Variants in COL27A1 observed in about 807,000 individuals in gnomAD.
COL27A1 encodes collagen alpha-1(XXVII) chain.
A neutral mutation model predicts 251.3 loss-of-function variants in COL27A1; 106 were observed. The observed-to-expected ratio is 0.42, with a 90% CI of 0.36 to 0.50. The LOEUF is 0.50. Among genes scored for constraint, COL27A1 ranks in the 20% least tolerant of loss-of-function variants. The pLI is 0.00. For synonymous variants in COL27A1, 1,000 were observed against 986.3 expected (o/e 1.01, Z -0.26); for missense variants, 2,325 against 2,522.8 (o/e 0.92, Z 1.68).
chr9:114,275,545 C>T, intron 36 of COL27A1, 116 bp from the exon 37 acceptor site: 1 of 657,334 alleles, frequency 1.5e-6, no homozygotes, highest in Admixed American at 3.0e-5. Context: ...TATCGAGAAT[C>T]TAGGGACCAG....
chr9:114,282,538 G>A lies in COL27A1; in HGVS notation c.3853G>A (p.Gly1285Arg). ...PGPPGTPGPK[G>R]SRGSLGPTGA... ...ACCCCCTGGCACTCCAGGCCCTAAAGGGTCCCGGGGCAGCCTGGGACCAAC... is the reference window on the plus strand; with the variant it reads ...ACCCCCTGGCACTCCAGGCCCTAAAAGGTCCCGGGGCAGCCTGGGACCAAC... Residue 1285 changes from glycine to arginine, a missense_variant, in exon 39 of 61, where the codon GGG (glycine) becomes AGG (arginine). Physicochemically the swap from Gly to Arg is moderately radical, Grantham distance 125. Around this residue, in one of 4 missense-constraint regions of COL27A1, gnomAD observed 662 missense variants for 795.3 expected, o/e 0.83. Transcript: ENST00000356083. 1.9e-6 allele frequency: 3 copies of A among 1,541,860 alleles called. No homozygotes were observed. The highest frequency in any genetic ancestry group is 2.6e-6 in the Non-Finnish European group (3 of 1,147,728).
intron 12 of COL27A1, among the ~76,000 whole-genome samples, chr9:114,219,255 C>T (rs1173319248): frequency 6.6e-6 from 1 of 152,186 alleles, no homozygotes; most frequent in African/African-American, 2.4e-5. Context: ...AGGCTGTGCT[C>T]ATGTTCACTG....
At chr9:114,174,255 CTATT>C (rs1467386263) in intron 3 of COL27A1, among the ~76,000 whole-genome samples, 1 of 152,046 alleles carries the variant, frequency 6.6e-6, no homozygotes, top group Non-Finnish European at 1.5e-5. Context: ...AAGGAACAGA[CTATT>C]TACGGAGGGG....
intron 24 of COL27A1, among the ~76,000 whole-genome samples, chr9:114,247,992 A>G (rs4979360): frequency 0.18 from 28,139 of 152,168 alleles, 2,881 homozygotes; most frequent in East Asian, 0.49. Context: ...GCCAAATGCT[A>G]TCTACACAAT....
intron 12 of COL27A1, among the ~76,000 whole-genome samples, chr9:114,211,980 C>T (rs746800979): frequency 6.6e-6 from 1 of 152,192 alleles, no homozygotes; most frequent in Non-Finnish European, 1.5e-5. Flanking sequence ...AAGAGGAGGC[C>T]TGGAGCATTC....
Position 114,265,407 on chromosome 9 carries a change from A to G in COL27A1, c.3340-15A>G, listed in dbSNP as rs2135596566. The G allele has an allele frequency of 6.2e-7, 1 of 1,613,356 alleles. No homozygotes were observed. ...CCATGGAGGGCCTAAGGTCACCTTT[A>G]CCTTGTCTCTGCAGGGCATCCCGGG... On this transcript the variant is annotated splice_polypyrimidine_tract_variant and intron_variant, in intron 31 of 60. Transcript: ENST00000356083.
chr9:114,309,400 A>G lies in COL27A1; in HGVS notation c.5358A>G (p.Val1786=). The part of the protein sequence containing the change: ...GTGQTPAKQA[V]RFRAWNGQIF... ...GGCAGACCCCAGCCAAGCAGGCCGT[A>G]CGCTTCCGGGCCTGGAATGGACAGA... Residue 1786 remains valine (V), a synonymous_variant, in exon 60 of 61, where the codon GTA becomes GTG. Coordinates refer to ENST00000356083, the MANE Select transcript of COL27A1 (RefSeq NM_032888.4). 2 of 1,614,084 alleles carry G rather than the reference A, an allele frequency of 1.2e-6. 1 individual carries two copies. The highest frequency in any genetic ancestry group is 2.2e-5 in the South Asian group (2 of 91,082).
At chr9:114,298,567 T>G (rs1828404131) in intron 49 of COL27A1, among the ~76,000 whole-genome samples, 1 of 152,198 alleles carries the variant, frequency 6.6e-6, no homozygotes, top group Non-Finnish European at 1.5e-5. Flanking sequence ...CAATAAACAG[T>G]GCTGAGACAA....
intron 3 of COL27A1, 138 bp from the exon 4 acceptor site, chr9:114,178,153 G>A (rs1186148382): frequency 4.5e-6 from 3 of 663,528 alleles, no homozygotes; most frequent in African/African-American, 1.8e-5. Flanking sequence ...CTCAGGGCAG[G>A]GACCTCAGGG....
intron 5 of COL27A1, among the ~76,000 whole-genome samples, chr9:114,187,500 C>T (rs1828450700): frequency 6.6e-6 from 1 of 152,256 alleles, no homozygotes; most frequent in Admixed American, 6.5e-5. Context: ...GTCCAAGATG[C>T]TAAATAACTT....
At chr9:114,281,666 C>A (rs953420762) in intron 37 of COL27A1, among the ~76,000 whole-genome samples, 1 of 152,206 alleles carries the variant, frequency 6.6e-6, no homozygotes, top group Non-Finnish European at 1.5e-5. Flanking sequence ...AGGGAAGAAC[C>A]TATAAATCCT....
At chr9:114,223,940 T>C (rs1287713909) in intron 14 of COL27A1, among the ~76,000 whole-genome samples, 1 of 152,240 alleles carries the variant, frequency 6.6e-6, no homozygotes, top group East Asian at 1.9e-4. Context: ...ATTTTACACC[T>C]GGTAGCAGCT....
rs905017982 is a variant in COL27A1 at position 114,168,760 on chromosome 9, C to T, written c.1205C>T (p.Pro402Leu). ...TCTTCATTTACAAAGTCAGCCCTAC[C>T]CACTCAGAAGCAAGTGCCACCTACT... ...APSSFTKSAL[P>L]TQKQVPPTSR... Residue 402 changes from proline to leucine, a missense_variant, in exon 3 of 61, where the codon CCC (proline) becomes CTC (leucine). By Grantham distance (98) the Pro-to-Leu change is moderately conservative (BLOSUM62 -3). Transcript: ENST00000356083. The T allele has an allele frequency of 3.7e-6, 6 of 1,614,020 alleles. No homozygotes were observed. The highest frequency in any genetic ancestry group is 5.1e-6 in the Non-Finnish European group (6 of 1,180,046).
At position 114,287,505 on chromosome 9, in the gene COL27A1, C is replaced by G. The variant is rs564277669; in HGVS notation, c.3988-950C>G. Among the ~76,000 whole-genome samples the G allele has an allele frequency of 1.3e-5, 2 of 151,886 alleles. 1 individual carries two copies. The highest frequency in any genetic ancestry group is 3.9e-4 in the East Asian group (2 of 5,178). On this transcript the variant is annotated intron_variant, in intron 41 of 60. Transcript: ENST00000356083. Reference sequence around the variant, plus strand: ...ACCTCACCTCTAAACTCTGTTCCGCCCCCCCCACCCCAGTCTCTGGCCATG... The same window carrying G: ...ACCTCACCTCTAAACTCTGTTCCGCGCCCCCCACCCCAGTCTCTGGCCATG...
At chr9:114,228,256 G>C (rs538916344) in intron 14 of COL27A1, among the ~76,000 whole-genome samples, 2 of 152,250 alleles carry the variant, frequency 1.3e-5, no homozygotes, top group African/African-American at 2.4e-5. Context: ...CTTCAGGCCT[G>C]GAGGGAGGAA....
rs562062375 is a variant in COL27A1, at chr9:114,163,355, T to G, written c.133+570T>G. On this transcript the variant is annotated intron_variant, in intron 2 of 60. Coordinates refer to ENST00000356083, the MANE Select transcript of COL27A1 (RefSeq NM_032888.4). ...AAAATTTGAGTAAGTTACTCCGGTTTTAAGCCTCAGTTGTCCCTGTTTGTC... is the reference window on the plus strand; with the variant it reads ...AAAATTTGAGTAAGTTACTCCGGTTGTAAGCCTCAGTTGTCCCTGTTTGTC... Among the ~76,000 whole-genome samples the G allele has an allele frequency of 4.6e-5, 7 of 151,922 alleles. No homozygotes were observed. The East Asian group carries it at 1.4e-3, about 29-fold the overall frequency.
At position 114,290,131 on chromosome 9, in the gene COL27A1, G is replaced by C. The variant is rs746644322; in HGVS notation, c.4260+20G>C. 1 of 1,611,386 alleles carries C rather than the reference G, an allele frequency of 6.2e-7. No individual in the cohort carries two copies. Among genetic ancestry groups the C allele is most frequent in the Non-Finnish European group, 8.5e-7 (1 of 1,179,566 alleles). On this transcript the variant is annotated intron_variant, in intron 46 of 60. Transcript: ENST00000356083. The surrounding 1 kb of genome is among the most constrained non-coding windows in gnomAD (Gnocchi z 4.6). ...GTCCAGGTGAGTGACTACAGCTGCT[G>C]TTTCCAGCCAACCTCCCTGCCCGCC...
At chr9:114,223,951 A>C (rs952838685) in intron 14 of COL27A1, among the ~76,000 whole-genome samples, 1 of 152,232 alleles carries the variant, frequency 6.6e-6, no homozygotes, top group Non-Finnish European at 1.5e-5. Flanking sequence ...GGTAGCAGCT[A>C]TCCGGGTTAC....
At position 114,233,480 on chromosome 9, in the gene COL27A1, G is replaced by A. The variant is rs569432590; in HGVS notation, c.2565+1614G>A. On this transcript the variant is annotated intron_variant, in intron 16 of 60. Coordinates refer to ENST00000356083, the MANE Select transcript of COL27A1 (RefSeq NM_032888.4). Reference sequence around the variant, plus strand: ...CTGTCTGCTACACCTTTCTGCCAGAGCCCTCCCTCTTTGAAGGGGCTTTCT... The same window carrying A: ...CTGTCTGCTACACCTTTCTGCCAGAACCCTCCCTCTTTGAAGGGGCTTTCT... Among the ~76,000 whole-genome samples the A allele has an allele frequency of 1.7e-4, 26 of 152,298 alleles. No individual in the cohort carries two copies. The East Asian group carries it at 3.3e-3, about 19-fold the overall frequency.
Sources: gnomAD v4.1 joint callset for allele counts (sites outside exome capture counted in the v4.1 genomes callset) on GRCh38, gnomAD v4.1.1 for gene constraint, gnomAD v4.1.1 regional missense constraint, Gnocchi (gnomAD v3.1) non-coding constraint, MANE v1.5 for transcripts, NCBI Gene and HGNC (gene_info 2026-07-23, HGNC 2026-07-21) for gene names.